Variants in FOXD3 observed in about 807,000 individuals in gnomAD.
FOXD3 encodes the protein forkhead box protein D3.
FOXD3 carries 3 observed loss-of-function variants against 3.6 expected under a neutral mutation model. The observed-to-expected ratio is 0.84, with a 90% CI of 0.38 to 2.18. FOXD3 has a LOEUF of 2.18. Ranked by LOEUF, FOXD3 falls within the 30% of genes most tolerant of loss-of-function variation. The probability of loss-of-function intolerance (pLI) is 0.06; values close to 1 mark genes in which losing one functional copy is unlikely to be tolerated. For missense variants in FOXD3, 686 were observed against 731.6 expected (o/e 0.94, Z 0.72); for synonymous variants, 391 against 360.9 (o/e 1.08, Z -0.94).
At position 63,324,376 on chromosome 1, in the gene FOXD3, A is replaced by G. The variant is rs770843371; in HGVS notation, c.1318A>G (p.Thr440Ala). The G allele has an allele frequency of 1.3e-6, 2 of 1,588,374 alleles. No homozygotes were observed. The highest frequency in any genetic ancestry group is 2.7e-5 in the African/African-American group (2 of 74,214). The change falls in exon 1 of 1, where the codon ACG becomes GCG. Residue 440 changes from threonine (T) to alanine (A), a missense_variant. This residue lies in a region of FOXD3 where 370 missense variants were observed against 372.3 expected (regional missense o/e 0.99). Transcript: ENST00000371116. The surrounding 1 kb of genome is among the most constrained non-coding windows in gnomAD (Gnocchi z 4.1). ...CCACCAACCGCTGTCGCTGAGCCGG[A>G]CGACTGCCACCATCGCGCCCATTCT... ...ATHQPLSLSR[T>A]TATIAPILSV...
chr1:63,322,972 C>T lies in FOXD3; in HGVS notation c.-87C>T. 2.1e-6 allele frequency: 3 copies of T among 1,441,062 alleles called. No individual in the cohort carries two copies. Among genetic ancestry groups the T allele is most frequent in the Admixed American group, 2.5e-5 (1 of 39,998 alleles). 89.3% of individuals were successfully genotyped at this position (1,441,062 alleles called of 1,614,324 possible). A position where few individuals can be genotyped will look rare whatever the true frequency, so the allele number is the denominator to read the frequency against. On this transcript the variant is annotated 5_prime_UTR_variant, in exon 1 of 1. Transcript: ENST00000371116. ...CCCCATCTTTCGGGGGCACTCAAAC[C>T]CTCTTCCCCTGAGCTCCGTGGCAGC...
Position 63,324,595 on chromosome 1 carries a change from C to A in FOXD3, c.*100C>A. On this transcript the variant is annotated 3_prime_UTR_variant, in exon 1 of 1. Coordinates refer to ENST00000371116, the MANE Select transcript of FOXD3 (RefSeq NM_012183.3). The surrounding 1 kb of genome is among the most constrained non-coding windows in gnomAD (Gnocchi z 4.1). The stretch of plus-strand genomic sequence containing the variant: ...TGTCCCAAGCCCGGTCCCGGTCCCG[C>A]TGCCCAATCCTGGACTCTGCCTCTC... The A allele has an allele frequency of 1.2e-6, 1 of 866,264 alleles. No individual in the cohort carries two copies. The highest frequency in any genetic ancestry group is 1.8e-6 in the Non-Finnish European group (1 of 552,062). The allele number at this position is 866,264 out of a possible 1,614,324, so 53.7% of individuals were successfully genotyped here. A position where few individuals can be genotyped will look rare whatever the true frequency, so the allele number is the denominator to read the frequency against.
chr1:63,324,964 T>G lies in FOXD3; in HGVS notation c.*469T>G, dbSNP rs1184623626. On this transcript the variant is annotated 3_prime_UTR_variant, in exon 1 of 1. Coordinates refer to ENST00000371116, the MANE Select transcript of FOXD3 (RefSeq NM_012183.3). This position sits in a 1 kb window ranked among gnomAD's most constrained non-coding sequence, Gnocchi z 4.1. ...TCCGAAGTTTTATCTGAGAAAAGAA[T>G]GTATAGAGACGTTGGGAGATTTTAA... is the stretch of plus-strand genomic sequence containing the variant. 1.2e-5 allele frequency: 2 copies of G among 172,432 alleles called. No homozygotes were observed. The highest frequency in any genetic ancestry group is 2.8e-5 in the Non-Finnish European group (2 of 71,952). 10.7% of individuals were successfully genotyped at this position (172,432 alleles called of 1,614,324 possible).
rs1418735189 is a variant in FOXD3, at chr1:63,323,585, C to T, written c.527C>T (p.Pro176Leu). 2 of 1,614,152 alleles carry T rather than the reference C, an allele frequency of 1.2e-6. No homozygotes were observed. Among genetic ancestry groups the T allele is most frequent in the Non-Finnish European group, 1.7e-6 (2 of 1,180,028 alleles). Residue 176 changes from proline to leucine, a missense_variant, in exon 1 of 1, where the codon CCC becomes CTC. Physicochemically the swap from Pro to Leu is moderately conservative, Grantham distance 98 (BLOSUM62 -3). Coordinates refer to ENST00000371116, the MANE Select transcript of FOXD3 (RefSeq NM_012183.3). The surrounding 1 kb of genome is among the most constrained non-coding windows in gnomAD (Gnocchi z 6.8). ...TGCGAGTTCATCAGCAACCGCTTCC[C>T]CTACTACAGGGAGAAGTTCCCCGCC... The part of the protein sequence containing the change: ...GICEFISNRF[P>L]YYREKFPAWQ...
In FOXD3 at chr1:63,324,295, G is replaced by C; in HGVS notation, c.1237G>C (p.Ala413Pro). The change falls in exon 1 of 1, where the codon GCG becomes CCG. Residue 413 changes from alanine to proline, a missense_variant. Physicochemically the swap from Ala to Pro is conservative, Grantham distance 27 (BLOSUM62 -1). Around this residue, in one of 3 missense-constraint regions of FOXD3, gnomAD observed 370 missense variants for 372.3 expected, o/e 0.99. Coordinates refer to ENST00000371116, the MANE Select transcript of FOXD3 (RefSeq NM_012183.3). This position sits in a 1 kb window ranked among gnomAD's most constrained non-coding sequence, Gnocchi z 4.1. ...TGGGGGTTCAGGGGGCGGCAGCACG[G>C]CGCAGTCGTTTCTGCGGCCACCCGG... ...GTGGSGGGST[A>P]QSFLRPPGTV... 1 of 1,544,244 alleles carries C rather than the reference G, an allele frequency of 6.5e-7. No homozygotes were observed. The highest frequency in any genetic ancestry group is 1.2e-5 in the South Asian group (1 of 83,670).
rs750660492 is a variant in FOXD3 at position 63,323,338 on chromosome 1, G to T, written c.280G>T (p.Gly94Cys). 10 of 1,347,066 alleles carry T rather than the reference G, an allele frequency of 7.4e-6. No homozygotes were observed. The highest frequency in any genetic ancestry group is 9.5e-6 in the Non-Finnish European group (10 of 1,051,032). 83.4% of individuals were successfully genotyped at this position (1,347,066 alleles called of 1,614,324 possible). ...GGCCGGAGCCGGGGCCGGACCGGGG[G>T]GCGACGTGGGCGCGCCGGAGGCGGA... ...EAAGAGAGPG[G>C]DVGAPEADGC... Residue 94 changes from glycine (G) to cysteine (C), a missense_variant, in exon 1 of 1, where the codon GGC becomes TGC. Gly to Cys is a radical substitution (Grantham distance 159). This residue lies in a region of FOXD3 where 232 missense variants were observed against 214.0 expected (regional missense o/e 1.08). Coordinates refer to ENST00000371116, the MANE Select transcript of FOXD3 (RefSeq NM_012183.3). This position sits in a 1 kb window ranked among gnomAD's most constrained non-coding sequence, Gnocchi z 6.8.
In FOXD3 at chr1:63,324,432, G is replaced by A; in HGVS notation, c.1374G>A (p.Gln458=). ...LSVPLSGQFL[Q]PAASAAAAAA... ...TGCCACTCTCCGGACAGTTTCTGCA[G>A]CCCGCAGCCTCGGCCGCCGCCGCTG... Residue 458 remains glutamine, a synonymous_variant, in exon 1 of 1, where the codon CAG becomes CAA. Transcript: ENST00000371116. The surrounding 1 kb of genome is among the most constrained non-coding windows in gnomAD (Gnocchi z 4.1). The A allele has an allele frequency of 3.8e-6, 6 of 1,561,424 alleles. No individual in the cohort carries two copies. The highest frequency in any genetic ancestry group is 5.2e-6 in the Non-Finnish European group (6 of 1,162,770).
rs757158520 is a variant in FOXD3, at chr1:63,323,562, C to T, written c.504C>T (p.Cys168=). 26 of 1,614,018 alleles carry T rather than the reference C, an allele frequency of 1.6e-5. No individual in the cohort carries two copies. Among genetic ancestry groups the T allele is most frequent in the Admixed American group, 8.3e-5 (5 of 60,008 alleles). The change falls in exon 1 of 1, where the codon TGC becomes TGT. Residue 168 remains cysteine, a synonymous_variant. Coordinates refer to ENST00000371116, the MANE Select transcript of FOXD3 (RefSeq NM_012183.3). The surrounding 1 kb of genome is among the most constrained non-coding windows in gnomAD (Gnocchi z 6.8). ...AGAAGCTGACCCTGAGCGGCATCTG[C>T]GAGTTCATCAGCAACCGCTTCCCCT... ...PQKKLTLSGI[C]EFISNRFPYY...
chr1:63,324,075 G>A lies in FOXD3; in HGVS notation c.1017G>A (p.Pro339=), dbSNP rs1647053613. 3 of 1,418,260 alleles carry A rather than the reference G, an allele frequency of 2.1e-6. No individual in the cohort carries two copies. Among genetic ancestry groups the A allele is most frequent in the Non-Finnish European group, 2.7e-6 (3 of 1,098,226 alleles). The allele number at this position is 1,418,260 out of a possible 1,614,324, so 87.9% of individuals were successfully genotyped here. ...CCGCCTTCGGCTCACAGCTCGGCCC[G>A]GGCCTGCAGCTGCAGCTCAATAGCC... ...KAAAFGSQLG[P]GLQLQLNSLG... is the part of the protein sequence containing the mutation. Residue 339 remains proline (P), a synonymous_variant, in exon 1 of 1, where the codon CCG becomes CCA. Coordinates refer to ENST00000371116, the MANE Select transcript of FOXD3 (RefSeq NM_012183.3). The surrounding 1 kb of genome is among the most constrained non-coding windows in gnomAD (Gnocchi z 4.1).
rs1473241012 is a variant in FOXD3 at position 63,322,615 on chromosome 1, C to T, written c.-444C>T. On this transcript the variant is annotated 5_prime_UTR_variant, in exon 1 of 1. Transcript: ENST00000371116. ...CCGGGGCTTCGGCGTCCCTGACACC[C>T]AGCCCCCTGCCCCCCCGCTACTGTC... The T allele has an allele frequency of 1.6e-5, 15 of 958,862 alleles. No homozygotes were observed. The highest frequency in any genetic ancestry group is 1.9e-5 in the Non-Finnish European group (15 of 805,806). The allele number at this position is 958,862 out of a possible 1,614,324, so 59.4% of individuals were successfully genotyped here.
Position 63,323,080 on chromosome 1 carries a change from A to G in FOXD3, c.22A>G (p.Ser8Gly), listed in dbSNP as rs1266975605. 6.4e-7 allele frequency: 1 copy of G among 1,550,720 alleles called. No homozygotes were observed. The highest frequency in any genetic ancestry group is 1.2e-5 in the South Asian group (1 of 84,744). The stretch of plus-strand genomic sequence containing the variant: ...AGGGATGACCCTCTCCGGCGGCGGC[A>G]GCGCCAGCGACATGTCCGGCCAGAC... MTLSGGG[S>G]ASDMSGQTVL... The change falls in exon 1 of 1, where the codon AGC (serine) becomes GGC (glycine). Residue 8 changes from serine to glycine, a missense_variant. Transcript: ENST00000371116. This position sits in a 1 kb window ranked among gnomAD's most constrained non-coding sequence, Gnocchi z 6.8.
Position 63,324,056 on chromosome 1 carries a change from T to A in FOXD3, c.998T>A (p.Phe333Tyr). The part of the protein sequence containing the change: ...SGELGRKAAA[F>Y]GSQLGPGLQL... ...GAGCTGGGCCGCAAAGCGGCCGCCTTCGGCTCACAGCTCGGCCCGGGCCTG... is the reference window on the plus strand; with the variant it reads ...GAGCTGGGCCGCAAAGCGGCCGCCTACGGCTCACAGCTCGGCCCGGGCCTG... Residue 333 changes from phenylalanine to tyrosine, a missense_variant, in exon 1 of 1, where the codon TTC (phenylalanine) becomes TAC (tyrosine). Physicochemically the swap from Phe to Tyr is conservative, Grantham distance 22 (BLOSUM62 3). Transcript: ENST00000371116. This position sits in a 1 kb window ranked among gnomAD's most constrained non-coding sequence, Gnocchi z 4.1. The A allele has an allele frequency of 7.2e-7, 1 of 1,393,452 alleles. No individual in the cohort carries two copies. Among genetic ancestry groups the A allele is most frequent in the Non-Finnish European group, 9.2e-7 (1 of 1,081,884 alleles). The allele number at this position is 1,393,452 out of a possible 1,614,324, so 86.3% of individuals were successfully genotyped here.
Position 63,323,396 on chromosome 1 carries a change from GC to G in FOXD3, c.339del (p.Gly114AlafsTer26). The G allele has an allele frequency of 1.4e-6, 2 of 1,435,732 alleles. No individual in the cohort carries two copies. Among genetic ancestry groups the G allele is most frequent in the Non-Finnish European group, 1.8e-6 (2 of 1,097,806 alleles). The allele number at this position is 1,435,732 out of a possible 1,614,324, so 88.9% of individuals were successfully genotyped here. On this transcript the variant is annotated frameshift_variant, in exon 1 of 1. Coordinates refer to ENST00000371116, the MANE Select transcript of FOXD3 (RefSeq NM_012183.3). LOFTEE classifies it low-confidence loss of function (END_TRUNC). The surrounding 1 kb of genome is among the most constrained non-coding windows in gnomAD (Gnocchi z 6.8). ...AAGGGCGGTGTTGGCGGCGAGGAGG[GC>G]GGCGCGAGCGGCGGCGGGCCTGGCG... ...GCKGGVGGEE[G>X]GASGGGPGAG...
At position 63,324,058 on chromosome 1, in the gene FOXD3, G is replaced by A; in HGVS notation, c.1000G>A (p.Gly334Ser). Reference protein sequence around the residue: ...GELGRKAAAFGSQLGPGLQLQ... With the variant: ...GELGRKAAAFSSQLGPGLQLQ... ...GCTGGGCCGCAAAGCGGCCGCCTTC[G>A]GCTCACAGCTCGGCCCGGGCCTGCA... Residue 334 changes from glycine (G) to serine (S), a missense_variant, in exon 1 of 1, where the codon GGC becomes AGC. This residue lies in a region of FOXD3 where 370 missense variants were observed against 372.3 expected (regional missense o/e 0.99). Transcript: ENST00000371116. The surrounding 1 kb of genome is among the most constrained non-coding windows in gnomAD (Gnocchi z 4.1). The A allele has an allele frequency of 1.4e-6, 2 of 1,394,358 alleles. No homozygotes were observed. Among genetic ancestry groups the A allele is most frequent in the South Asian group, 1.6e-5 (1 of 62,492 alleles). 86.4% of individuals were successfully genotyped at this position (1,394,358 alleles called of 1,614,324 possible).
Position 63,322,577 on chromosome 1 carries a change from G to A in FOXD3, c.-482G>A. On this transcript the variant is annotated 5_prime_UTR_variant, in exon 1 of 1. Transcript: ENST00000371116. The stretch of plus-strand genomic sequence containing the variant: ...ATCTATCAGGCCAGTCCTTAAAACG[G>A]GACTTTCGACTACCGGGGCTTCGGC... The A allele has an allele frequency of 2.0e-6, 2 of 985,646 alleles. No individual in the cohort carries two copies. The highest frequency in any genetic ancestry group is 2.4e-6 in the Non-Finnish European group (2 of 829,474). 61.1% of individuals were successfully genotyped at this position (985,646 alleles called of 1,614,324 possible).
At position 63,323,210 on chromosome 1, in the gene FOXD3, C is replaced by T. The variant is rs1157703492; in HGVS notation, c.152C>T (p.Pro51Leu). ...DAGCDSPAGP[P>L]ELRLDEADEV... ...GGTTGCGATAGCCCCGCGGGGCCGC[C>T]GGAGCTGCGCCTGGACGAGGCGGAC... The change falls in exon 1 of 1, where the codon CCG (proline) becomes CTG (leucine). Residue 51 changes from proline (P) to leucine (L), a missense_variant. By Grantham distance (98) the Pro-to-Leu change is moderately conservative. Coordinates refer to ENST00000371116, the MANE Select transcript of FOXD3 (RefSeq NM_012183.3). The surrounding 1 kb of genome is among the most constrained non-coding windows in gnomAD (Gnocchi z 6.8). The T allele has an allele frequency of 6.5e-7, 1 of 1,536,636 alleles. No individual in the cohort carries two copies. Among genetic ancestry groups the T allele is most frequent in the Non-Finnish European group, 8.8e-7 (1 of 1,142,840 alleles).
chr1:63,324,722 G>C lies in FOXD3; in HGVS notation c.*227G>C, dbSNP rs1311684526. The C allele has an allele frequency of 1.8e-6, 1 of 566,088 alleles. No homozygotes were observed. The highest frequency in any genetic ancestry group is 2.0e-5 in the African/African-American group (1 of 49,818). 35.1% of individuals were successfully genotyped at this position (566,088 alleles called of 1,614,324 possible). A position where few individuals can be genotyped will look rare whatever the true frequency, so the allele number is the denominator to read the frequency against. On this transcript the variant is annotated 3_prime_UTR_variant, in exon 1 of 1. Coordinates refer to ENST00000371116, the MANE Select transcript of FOXD3 (RefSeq NM_012183.3). This position sits in a 1 kb window ranked among gnomAD's most constrained non-coding sequence, Gnocchi z 4.1. ...GAGCAAACTCACCGCGCGCCCGCCG[G>C]GGATAGCTTTCCATACAGGTAAAAC...
chr1:63,323,931 GGCGGCGGCCGCGGCTGCT>G lies in FOXD3; in HGVS notation c.882_899del (p.Ala295_Ala300del), dbSNP rs1449563825. Reference sequence around the variant, plus strand: ...CCGGTGCCTATTCGCACCCGGCAGCGGCGGCGGCCGCGGCTGCTGCGGCGGCGCTCCAGTACCCGTACG... The same window carrying G: ...CCGGTGCCTATTCGCACCCGGCAGCGGCGGCGGCGCTCCAGTACCCGTACG... On this transcript the variant is annotated inframe_deletion, in exon 1 of 1. Coordinates refer to ENST00000371116, the MANE Select transcript of FOXD3 (RefSeq NM_012183.3). The surrounding 1 kb of genome is among the most constrained non-coding windows in gnomAD (Gnocchi z 6.8). The G allele has an allele frequency of 6.4e-6, 8 of 1,248,030 alleles. No individual in the cohort carries two copies. The highest frequency in any genetic ancestry group is 4.3e-5 in the Admixed American group (1 of 22,990). 77.3% of individuals were successfully genotyped at this position (1,248,030 alleles called of 1,614,324 possible).
Position 63,324,062 on chromosome 1 carries a change from C to T in FOXD3, c.1004C>T (p.Ser335Leu), listed in dbSNP as rs1422122223. 3 of 1,401,700 alleles carry T rather than the reference C, an allele frequency of 2.1e-6. No individual in the cohort carries two copies. Among genetic ancestry groups the T allele is most frequent in the Non-Finnish European group, 2.8e-6 (3 of 1,087,068 alleles). The allele number at this position is 1,401,700 out of a possible 1,614,324, so 86.8% of individuals were successfully genotyped here. Reference sequence around the variant, plus strand: ...GGCCGCAAAGCGGCCGCCTTCGGCTCACAGCTCGGCCCGGGCCTGCAGCTG... The same window carrying T: ...GGCCGCAAAGCGGCCGCCTTCGGCTTACAGCTCGGCCCGGGCCTGCAGCTG... ...ELGRKAAAFG[S>L]QLGPGLQLQL... The change falls in exon 1 of 1, where the codon TCA becomes TTA. Residue 335 changes from serine (S) to leucine (L), a missense_variant. Physicochemically the swap from Ser to Leu is moderately radical, Grantham distance 145. Around this residue, in one of 3 missense-constraint regions of FOXD3, gnomAD observed 370 missense variants for 372.3 expected, o/e 0.99. Coordinates refer to ENST00000371116, the MANE Select transcript of FOXD3 (RefSeq NM_012183.3). This position sits in a 1 kb window ranked among gnomAD's most constrained non-coding sequence, Gnocchi z 4.1.
Sources: gnomAD v4.1 joint callset for allele counts on GRCh38, gnomAD v4.1.1 for gene constraint, gnomAD v4.1.1 regional missense constraint, Gnocchi (gnomAD v3.1) non-coding constraint, MANE v1.5 for transcripts, NCBI Gene and HGNC (gene_info 2026-07-23, HGNC 2026-07-21) for gene names.